Variants in SI observed in about 807,000 individuals in gnomAD.
The protein encoded by SI is sucrase-isomaltase, intestinal.
In SI, 235 loss-of-function variants were observed where a neutral mutation model predicts 253.3. The observed-to-expected ratio is 0.93, with a 90% CI of 0.83 to 1.03. SI has a LOEUF of 1.03. Ranked by LOEUF, SI falls within the 50% of genes least tolerant of loss-of-function variation. The probability of loss-of-function intolerance (pLI) is 0.00; values close to 1 mark genes in which losing one functional copy is unlikely to be tolerated. For synonymous variants in SI, 819 were observed against 712.0 expected, an observed-to-expected ratio of 1.15 and a Z score of -2.39; for missense variants, 2,442 against 2,211.1, an observed-to-expected ratio of 1.10 and a Z score of -2.09.
intron 3 of SI, among the ~76,000 whole-genome samples, chr3:165,072,564 A>AT (rs1387952561): frequency 6.6e-6 from 1 of 152,004 alleles, no homozygotes; most frequent in Non-Finnish European, 1.5e-5. Flanking sequence ...TTTATGATTT[A>AT]TTTTTTAAAT....
chr3:165,007,011 G>C, intron 36 of SI, 57 bp from the exon 37 acceptor site: 2 of 1,201,372 alleles, frequency 1.7e-6, no homozygotes, highest in Non-Finnish European at 1.2e-6. Context: ...ACAATGAAAC[G>C]TGTAACTCAT....
In SI at chr3:165,030,706, T is replaced by A. The variant is rs1056879134; in HGVS notation, c.2892+6A>T. 1 of 1,607,266 alleles carries A rather than the reference T, an allele frequency of 6.2e-7. No individual in the cohort carries two copies. Among genetic ancestry groups the A allele is most frequent in the African/African-American group, 1.3e-5 (1 of 74,520 alleles). ...TATCATGAGTAATAGTTAAAATTATTATTACCGTTCTCCATACACAGCCAC... is the reference window on the plus strand; with the variant it reads ...TATCATGAGTAATAGTTAAAATTATAATTACCGTTCTCCATACACAGCCAC... On this transcript the variant is annotated splice_donor_region_variant and intron_variant, in intron 25 of 47. Transcript: ENST00000264382.
At chr3:165,047,494 AATT>A (rs1305204612) in intron 15 of SI, among the ~76,000 whole-genome samples, 5 of 152,220 alleles carry the variant, frequency 3.3e-5, no homozygotes, top group Admixed American at 3.3e-4. Flanking sequence ...TATTTATAAT[AATT>A]ATGTCAAAAT....
intron 24 of SI, 141 bp from the exon 25 acceptor site, chr3:165,031,008 A>G (rs1052037866): frequency 5.8e-6 from 7 of 1,216,758 alleles, no homozygotes; most frequent in Non-Finnish European, 7.7e-6. Context: ...GCAATTCTTC[A>G]AATTAAATCA....
upstream of SI, among the ~76,000 whole-genome samples, chr3:165,081,807 T>C (rs1244726995): frequency 2.6e-5 from 4 of 151,742 alleles, no homozygotes; most frequent in Admixed American, 1.3e-4. Context: ...AACACAAATA[T>C]AAAAAGGGAA....
chr3:165,077,242 C>T (rs1209713599), intron 1 of SI, among the ~76,000 whole-genome samples: 1 of 151,594 alleles, frequency 6.6e-6, no homozygotes, highest in Admixed American at 6.6e-5. Context: ...CCCATCCACT[C>T]TTCTAGGTGA....
chr3:165,006,637 GA>G (rs1718522509), intron 37 of SI, among the ~76,000 whole-genome samples, 178 bp downstream of exon 37: 1 of 152,066 alleles, frequency 6.6e-6, no homozygotes, highest in African/African-American at 2.4e-5. Context: ...AAGATATTTA[GA>G]TAAATTAGAT....
In SI at chr3:165,017,685, A is replaced by T. The variant is rs1719103563; in HGVS notation, c.3634-12T>A. ...GGATGGCCAATTACCTTTAAAAAAA[A>T]TTCATGTGTGAACTAAGAGAATTAC... On this transcript the variant is annotated splice_polypyrimidine_tract_variant and intron_variant, in intron 30 of 47. Transcript: ENST00000264382. The T allele has an allele frequency of 1.2e-6, 2 of 1,612,006 alleles. No individual in the cohort carries two copies. The highest frequency in any genetic ancestry group is 3.3e-5 in the Admixed American group (2 of 59,844).
At chr3:164,991,523 A>G (rs777784696) in intron 43 of SI, 46 bp from the exon 44 acceptor site, 29 of 1,604,426 alleles carry the variant, frequency 1.8e-5, no homozygotes, top group Middle Eastern at 1.7e-4. Context: ...AAGAAATGGA[A>G]TCATCAGCAA....
chr3:164,984,535 C>T (rs958544411), intron 45 of SI, among the ~76,000 whole-genome samples: 5 of 151,876 alleles, frequency 3.3e-5, no homozygotes, highest in Non-Finnish European at 5.9e-5. Flanking sequence ...ACAGCTATTA[C>T]GAAGATATGG....
chr3:165,036,532 A>G, intron 21 of SI, 55 bp from the exon 22 acceptor site: 3 of 1,236,620 alleles, frequency 2.4e-6, no homozygotes, highest in Non-Finnish European at 3.6e-6. Flanking sequence ...TAATAATACA[A>G]TATCCTATAA....
chr3:165,067,334 A>G lies in SI; in HGVS notation c.635+6T>C. On this transcript the variant is annotated splice_donor_region_variant and intron_variant, in intron 6 of 47. Coordinates refer to ENST00000264382, the MANE Select transcript of SI (RefSeq NM_001041.4). Reference sequence around the variant, plus strand: ...AACTTATATAATTGTAAAATAATACACTTACAAAGTTTTACCGTTGCTTTT... The same window carrying G: ...AACTTATATAATTGTAAAATAATACGCTTACAAAGTTTTACCGTTGCTTTT... 1 of 1,592,940 alleles carries G rather than the reference A, an allele frequency of 6.3e-7. No homozygotes were observed. The highest frequency in any genetic ancestry group is 8.6e-7 in the Non-Finnish European group (1 of 1,162,712).
chr3:165,047,765 G>C (rs1713198891), intron 15 of SI, among the ~76,000 whole-genome samples: 1 of 151,826 alleles, frequency 6.6e-6, no homozygotes. Context: ...GTAGTGTGAT[G>C]ACTCCAATTA....
intron 32 of SI, 128 bp from the exon 33 acceptor site, chr3:165,015,361 T>C (rs1189963785): frequency 1.4e-6 from 1 of 712,020 alleles, no homozygotes; most frequent in Admixed American, 2.1e-5. Context: ...AAATGACAAA[T>C]GATACAAACA....
chr3:165,023,315 C>T (rs377260089), intron 26 of SI, among the ~76,000 whole-genome samples: 2 of 151,320 alleles, frequency 1.3e-5, no homozygotes, highest in South Asian at 2.1e-4. Context: ...TAATAAATGA[C>T]TTATGTATTT....
intron 32 of SI, among the ~76,000 whole-genome samples, chr3:165,015,658 A>G (rs1718987633): frequency 6.6e-6 from 1 of 152,214 alleles, no homozygotes; most frequent in Admixed American, 6.5e-5. Context: ...CTACCATTAC[A>G]TTTTGATAAC....
chr3:165,015,199 T>C lies in SI; in HGVS notation c.3923A>G (p.Tyr1308Cys). Reference sequence around the variant, plus strand: ...CTGCTGTCCTCTTTCAAATGCAGGGTAAGTCTTTGTTTCATTTCCTGAAAT... The same window carrying C: ...CTGCTGTCCTCTTTCAAATGCAGGGCAAGTCTTTGTTTCATTTCCTGAAAT... ...PAISGNETKT[Y>C]PAFERGQQND... The change falls in exon 33 of 48, where the codon TAC (tyrosine) becomes TGC (cysteine). Residue 1308 changes from tyrosine (Y) to cysteine (C), a missense_variant. Transcript: ENST00000264382. The C allele has an allele frequency of 1.2e-6, 2 of 1,613,380 alleles. No individual in the cohort carries two copies. The highest frequency in any genetic ancestry group is 8.5e-7 in the Non-Finnish European group (1 of 1,179,550).
intron 17 of SI, 103 bp downstream of exon 17, chr3:165,042,956 C>T (rs1712919963): frequency 1.3e-5 from 10 of 780,548 alleles, no homozygotes; most frequent in Non-Finnish European, 2.3e-5. Flanking sequence ...ATGAATTATG[C>T]TACAATCTTT....
intron 16 of SI, among the ~76,000 whole-genome samples, chr3:165,045,490 A>G (rs1463638586): frequency 3.9e-5 from 6 of 151,994 alleles, no homozygotes; most frequent in Admixed American, 3.9e-4. Flanking sequence ...AATATGCTAT[A>G]AATTGATCTA....
Sources: gnomAD v4.1 joint callset for allele counts (sites outside exome capture counted in the v4.1 genomes callset) on GRCh38, gnomAD v4.1.1 for gene constraint, MANE v1.5 for transcripts, NCBI Gene and HGNC (gene_info 2026-07-23, HGNC 2026-07-21) for gene names.